SLC26A5: variants seen among roughly 807,000 people sequenced by gnomAD.
SLC26A5 encodes the protein prestin.
A neutral mutation model predicts 81.0 loss-of-function variants in SLC26A5; 51 were observed. The observed-to-expected ratio is 0.63, with a 90% CI of 0.50 to 0.80. The LOEUF (loss-of-function observed/expected upper bound fraction) is 0.80, where lower values mean the gene tolerates loss of function less well. Ranked by LOEUF, SLC26A5 falls within the 30% of genes least tolerant of loss-of-function variation. The pLI is 0.00. For synonymous variants in SLC26A5, 325 were observed against 332.8 expected (o/e 0.98, Z 0.25); for missense variants, 771 against 905.8 (o/e 0.85, Z 1.91).
At chr7:103,392,805 C>T in intron 10 of SLC26A5, 114 bp downstream of exon 10, 2 of 1,316,684 alleles carry the variant, frequency 1.5e-6, no homozygotes, top group Non-Finnish European at 2.2e-6. Context: ...TCTCAATCTC[C>T]TGACCTCATG....
At chr7:103,388,928 C>T in intron 14 of SLC26A5, 80 bp downstream of exon 14, 1 of 1,038,842 alleles carries the variant, frequency 9.6e-7, no homozygotes, top group Non-Finnish European at 1.5e-6. Context: ...CTTCTACCAA[C>T]TTAAACTTTG....
At chr7:103,435,131 TTTTAG>T (rs1210711359) in intron 2 of SLC26A5, 1 of 152,178 alleles carries the variant, frequency 6.6e-6, no homozygotes, top group Non-Finnish European at 1.5e-5. Context: ...ATTATTTTTA[TTTTAG>T]TTATTTAAAA....
intron 7 of SLC26A5, 44 bp downstream of exon 7, chr7:103,410,341 A>C: frequency 6.6e-7 from 1 of 1,512,206 alleles, no homozygotes; most frequent in Non-Finnish European, 9.2e-7. Context: ...GGTTGGGGGG[A>C]ATAAAGAGAA....
chr7:103,407,763 A>T, intron 8 of SLC26A5, 88 bp downstream of exon 8: 1 of 1,474,118 alleles, frequency 6.8e-7, no homozygotes, highest in South Asian at 1.2e-5. Context: ...AGAGCAAAAA[A>T]TTCCTTTCAT....
chr7:103,393,860 C>A (rs1012686233), intron 9 of SLC26A5, among the ~76,000 whole-genome samples: 1 of 152,054 alleles, frequency 6.6e-6, no homozygotes, highest in African/African-American at 2.4e-5. Flanking sequence ...AGGCATTGGG[C>A]TAAACAATAA....
chr7:103,363,464 A>C (rs764964993), intron 19 of SLC26A5: 27 of 1,570,944 alleles, frequency 1.7e-5, no homozygotes, highest in Admixed American at 3.3e-5. Flanking sequence ...GTTGTATTTA[A>C]ATTTCTTTGT....
At chr7:103,358,020 G>T (rs115864065) in intron 19 of SLC26A5, among the ~76,000 whole-genome samples, 1 of 152,030 alleles carries the variant, frequency 6.6e-6, no homozygotes, top group African/African-American at 2.4e-5. Context: ...CTCTACCCTG[G>T]AGATTGCCCT....
Position 103,367,768 on chromosome 7 carries a change from T to C in SLC26A5, c.2041+9040A>G, listed in dbSNP as rs977400893. 8.1e-6 allele frequency: 13 copies of C among 1,613,966 alleles called. No individual in the cohort carries two copies. The highest frequency in any genetic ancestry group is 1.3e-5 in the African/African-American group (1 of 74,914). Reference sequence around the variant, plus strand: ...CGTTCAATGAGTGTTGAAAGAGATATCAGATTTGAACTGTTAGCACGACTG... The same window carrying C: ...CGTTCAATGAGTGTTGAAAGAGATACCAGATTTGAACTGTTAGCACGACTG... On this transcript the variant is annotated intron_variant, in intron 19 of 19. Transcript: ENST00000339444. The surrounding 1 kb of genome is among the most constrained non-coding windows in gnomAD (Gnocchi z 6.1).
At chr7:103,431,885 A>G (rs1029532185) in intron 2 of SLC26A5, among the ~76,000 whole-genome samples, 53 of 151,846 alleles carry the variant, frequency 3.5e-4, no homozygotes, top group African/African-American at 1.2e-3. Flanking sequence ...TTTACTTATC[A>G]AGTTTAGACA....
intron 19 of SLC26A5, among the ~76,000 whole-genome samples, chr7:103,366,670 G>GAGA (rs1820734791): frequency 6.6e-6 from 1 of 152,140 alleles, no homozygotes; most frequent in Non-Finnish European, 1.5e-5. Context: ...CTCGTAAATT[G>GAGA]AGAAGTATCA....
intron 19 of SLC26A5, chr7:103,353,902 A>T (rs1563484386): frequency 6.3e-7 from 1 of 1,596,828 alleles, no homozygotes; most frequent in Non-Finnish European, 8.6e-7. Context: ...AATCTCACGT[A>T]TTGTCTCTCT....
At chr7:103,361,670 T>C (rs1039358853) in intron 19 of SLC26A5, among the ~76,000 whole-genome samples, 1 of 152,278 alleles carries the variant, frequency 6.6e-6, no homozygotes, top group African/African-American at 2.4e-5. Context: ...GGAGCATCAC[T>C]AATAATAAAG....
At chr7:103,418,748 T>C (rs1206973525) in intron 4 of SLC26A5, among the ~76,000 whole-genome samples, 1 of 152,200 alleles carries the variant, frequency 6.6e-6, no homozygotes, top group Non-Finnish European at 1.5e-5. Flanking sequence ...CCAGCTGACC[T>C]ACAGCTGTTC....
At chr7:103,354,425 A>G (rs1231385821) in intron 19 of SLC26A5, among the ~76,000 whole-genome samples, 3 of 149,240 alleles carry the variant, frequency 2.0e-5, no homozygotes, top group Non-Finnish European at 3.0e-5. Context: ...CTGGAGTGCA[A>G]TGGCGCGATC....
At chr7:103,403,543 TC>T (rs1823774866) in intron 8 of SLC26A5, among the ~76,000 whole-genome samples, 1 of 152,160 alleles carries the variant, frequency 6.6e-6, no homozygotes, top group Non-Finnish European at 1.5e-5. Context: ...GGTTTATGAA[TC>T]TGGGTGCTCC....
chr7:103,409,800 C>A (rs545170033), intron 7 of SLC26A5, among the ~76,000 whole-genome samples: 1 of 152,014 alleles, frequency 6.6e-6, no homozygotes, highest in South Asian at 2.1e-4. Context: ...CTCCACCTCC[C>A]GGGTTCACGC....
At chr7:103,428,367 T>A (rs1825841558) in intron 2 of SLC26A5, among the ~76,000 whole-genome samples, 1 of 152,182 alleles carries the variant, frequency 6.6e-6, no homozygotes, top group Non-Finnish European at 1.5e-5. Context: ...AGTTTCCTCA[T>A]CTTTATTAAC....
intron 4 of SLC26A5, among the ~76,000 whole-genome samples, 165 bp from the exon 5 acceptor site, chr7:103,413,277 G>A (rs1824653127): frequency 6.6e-6 from 1 of 152,184 alleles, no homozygotes; most frequent in Non-Finnish European, 1.5e-5. Flanking sequence ...CCTTGGTGCT[G>A]ATAGAGTCCA....
chr7:103,390,865 C>T (rs918457884), intron 11 of SLC26A5, among the ~76,000 whole-genome samples: 14 of 134,626 alleles, frequency 1.0e-4, no homozygotes, highest in Non-Finnish European at 1.9e-4. Flanking sequence ...TGGCCATTTA[C>T]TTTTTTTTTT....
Sources: gnomAD v4.1 joint callset for allele counts (sites outside exome capture counted in the v4.1 genomes callset) on GRCh38, gnomAD v4.1.1 for gene constraint, Gnocchi (gnomAD v3.1) non-coding constraint, MANE v1.5 for transcripts, NCBI Gene and HGNC (gene_info 2026-07-23, HGNC 2026-07-21) for gene names.